Variants in OR9Q1 observed in about 807,000 individuals in gnomAD.
OR9Q1 encodes the protein olfactory receptor 9Q1.
For missense variants in OR9Q1, 374 were observed against 378.8 expected (o/e 0.99, Z 0.11); for synonymous variants, 153 against 148.6 (o/e 1.03, Z -0.22).
At chr11:58,056,065 A>T (rs1232366602) in intron 2 of OR9Q1, 118 bp downstream of exon 2, 5 of 152,138 alleles carry the variant, frequency 3.3e-5, no homozygotes, top group African/African-American at 1.2e-4. Context: ...CTCTACTTTG[A>T]CTTTATTTCT....
intron 2 of OR9Q1, among the ~76,000 whole-genome samples, chr11:58,139,479 T>G (rs1854222723): frequency 6.6e-6 from 1 of 151,284 alleles, no homozygotes; most frequent in Non-Finnish European, 1.5e-5. Context: ...TTCCCCTTCC[T>G]GTGTCTATGT....
rs576891652 is a variant in OR9Q1, at chr11:58,179,369, T to A, written c.-14-62T>A. The stretch of plus-strand genomic sequence containing the variant: ...CAGTACATTTTCAATAAATGTGAAC[T>A]ACAAATACAGGTAAATCCTATTTGC... On this transcript the variant is annotated intron_variant, in intron 2 of 2. Transcript: ENST00000335397. The A allele has an allele frequency of 1.7e-4, 177 of 1,048,534 alleles. 1 individual carries two copies. In the African/African-American group the frequency reaches 2.5e-3, roughly 15 times the overall value. 65.0% of individuals were successfully genotyped at this position (1,048,534 alleles called of 1,614,324 possible).
intron 2 of OR9Q1, among the ~76,000 whole-genome samples, chr11:58,132,145 T>C (rs986079618): frequency 1.3e-5 from 2 of 152,244 alleles, no homozygotes; most frequent in African/African-American, 4.8e-5. Flanking sequence ...GAGCTTATGT[T>C]TTAAATAACT....
rs1227890534 is a variant in OR9Q1 at position 58,050,135 on chromosome 11, G to A, written c.-92-5735G>A. Among the ~76,000 whole-genome samples the A allele has an allele frequency of 1.9e-4, 13 of 67,696 alleles. No individual in the cohort carries two copies. In the East Asian group the frequency reaches 3.2e-3, roughly 17 times the overall value. 44.4% of individuals were successfully genotyped at this position (67,696 alleles called of 152,430 possible). A position where few individuals can be genotyped will look rare whatever the true frequency, so the allele number is the denominator to read the frequency against. ...ATGGAACCAAAAGAGAGCCCGCATC[G>A]CCAAGTCAATCCTAAGCCAAAAGAA... On this transcript the variant is annotated intron_variant, in intron 1 of 2. Coordinates refer to ENST00000335397, the MANE Select transcript of OR9Q1 (RefSeq NM_001005212.4).
At chr11:58,106,570 G>T (rs750286513) in intron 2 of OR9Q1, among the ~76,000 whole-genome samples, 4 of 151,896 alleles carry the variant, frequency 2.6e-5, no homozygotes, top group South Asian at 2.1e-4. Flanking sequence ...GAAATTACTG[G>T]CAAGACCAAT....
At chr11:58,170,883 G>T (rs1386631247) in intron 2 of OR9Q1, among the ~76,000 whole-genome samples, 1 of 152,024 alleles carries the variant, frequency 6.6e-6, no homozygotes, top group Non-Finnish European at 1.5e-5. Context: ...GCATGAAAAT[G>T]GACTAATATA....
intron 2 of OR9Q1, among the ~76,000 whole-genome samples, chr11:58,145,710 A>G (rs1476777097): frequency 6.6e-6 from 1 of 152,222 alleles, no homozygotes; most frequent in Admixed American, 6.5e-5. Context: ...GTAAATAATA[A>G]CATGCTACAA....
At position 58,119,494 on chromosome 11, in the gene OR9Q1, T is replaced by C. The variant is rs1023451269; in HGVS notation, c.-14-59937T>C. 13 of 1,219,794 alleles carry C rather than the reference T, an allele frequency of 1.1e-5. No homozygotes were observed. In the Admixed American group the frequency reaches 1.1e-4, roughly 10 times the overall value. 75.6% of individuals were successfully genotyped at this position (1,219,794 alleles called of 1,614,324 possible). A position where few individuals can be genotyped will look rare whatever the true frequency, so the allele number is the denominator to read the frequency against. The stretch of plus-strand genomic sequence containing the variant: ...GAGGATGATAATGAAATAAAAAGAA[T>C]CTCAGAATTGAAGGACAGAATCTTT... On this transcript the variant is annotated intron_variant, in intron 2 of 2. Coordinates refer to ENST00000335397, the MANE Select transcript of OR9Q1 (RefSeq NM_001005212.4).
At chr11:58,118,846 A>G in intron 2 of OR9Q1, 1 of 1,614,044 alleles carries the variant, frequency 6.2e-7, no homozygotes, top group Non-Finnish European at 8.5e-7. Context: ...GCCAAAGAAG[A>G]TGATGACAAT....
At chr11:58,115,305 A>T (rs1007342014) in intron 2 of OR9Q1, among the ~76,000 whole-genome samples, 8 of 152,174 alleles carry the variant, frequency 5.3e-5, no homozygotes, top group Non-Finnish European at 1.0e-4. Flanking sequence ...ACTTTGGGTA[A>T]ATAATTTAAT....
intron 2 of OR9Q1, among the ~76,000 whole-genome samples, chr11:58,069,513 C>CT (rs1425662544): frequency 1.3e-5 from 2 of 152,130 alleles, no homozygotes; most frequent in Non-Finnish European, 2.9e-5. Context: ...TGAGAAGGAT[C>CT]TTTTCTTAGT....
chr11:58,101,993 C>T (rs948218518), intron 2 of OR9Q1, among the ~76,000 whole-genome samples: 1 of 152,162 alleles, frequency 6.6e-6, no homozygotes, highest in East Asian at 1.9e-4. Flanking sequence ...TGATCCACCC[C>T]CCTTGGCTTC....
At chr11:58,172,048 T>A (rs1185579520) in intron 2 of OR9Q1, among the ~76,000 whole-genome samples, 1 of 152,170 alleles carries the variant, frequency 6.6e-6, no homozygotes, top group Non-Finnish European at 1.5e-5. Flanking sequence ...GATGAAAAGC[T>A]AATGAGGAGA....
rs190407712 is a variant in OR9Q1 at position 58,077,881 on chromosome 11, G to A, written c.-15+21934G>A. The A allele has an allele frequency of 2.9e-3, 448 of 152,348 alleles. 2 individuals are homozygous for A. The highest frequency in any genetic ancestry group is 4.7e-3 in the Non-Finnish European group (317 of 68,086). 9.4% of individuals were successfully genotyped at this position (152,348 alleles called of 1,614,324 possible). A position where few individuals can be genotyped will look rare whatever the true frequency, so the allele number is the denominator to read the frequency against. On this transcript the variant is annotated intron_variant, in intron 2 of 2. Transcript: ENST00000335397. ...CATCAAAACCCAGCATGTCAGCCAGGCATGGTGGCTCATGCCTGTAATCCC... is the reference window on the plus strand; with the variant it reads ...CATCAAAACCCAGCATGTCAGCCAGACATGGTGGCTCATGCCTGTAATCCC...
chr11:58,062,212 T>C (rs1305009694), intron 2 of OR9Q1, among the ~76,000 whole-genome samples: 14 of 152,208 alleles, frequency 9.2e-5, no homozygotes, highest in Non-Finnish European at 1.9e-4. Context: ...GGATTATCCA[T>C]AAGCCTAGCA....
At chr11:58,098,471 T>C (rs997856227) in intron 2 of OR9Q1, among the ~76,000 whole-genome samples, 2 of 152,214 alleles carry the variant, frequency 1.3e-5, no homozygotes, top group East Asian at 3.9e-4. Flanking sequence ...GTTATGCCTT[T>C]TACTAATCTT....
At chr11:58,108,033 A>T (rs1380004474) in intron 2 of OR9Q1, among the ~76,000 whole-genome samples, 1 of 152,168 alleles carries the variant, frequency 6.6e-6, no homozygotes, top group Non-Finnish European at 1.5e-5. Context: ...TAGGAGGAGA[A>T]AAAAAGAAAT....
chr11:58,172,296 T>C (rs1854563079), intron 2 of OR9Q1, among the ~76,000 whole-genome samples: 1 of 152,190 alleles, frequency 6.6e-6, no homozygotes, highest in African/African-American at 2.4e-5. Context: ...TAGTGTGTTC[T>C]ATATTCATTA....
intron 2 of OR9Q1, among the ~76,000 whole-genome samples, chr11:58,064,538 G>T (rs1253629459): frequency 6.6e-6 from 1 of 152,146 alleles, no homozygotes; most frequent in Non-Finnish European, 1.5e-5. Flanking sequence ...AGGAGATGTT[G>T]CTGGGAGCCA....
Sources: allele counts gnomAD v4.1 joint callset (sites outside exome capture counted in the v4.1 genomes callset), GRCh38; gene constraint gnomAD v4.1.1; transcripts MANE v1.5; gene names NCBI Gene and HGNC (gene_info 2026-07-23, HGNC 2026-07-21).